KCTD16: variants seen among roughly 807,000 people sequenced by gnomAD.
KCTD16 encodes the protein BTB/POZ domain-containing protein KCTD16.
In KCTD16, 13 loss-of-function variants were observed where a neutral mutation model predicts 33.2. The observed-to-expected ratio is 0.39, with a 90% confidence interval of 0.25 to 0.62. The LOEUF is 0.62. Ranked by LOEUF, KCTD16 falls within the 20% of genes least tolerant of loss-of-function variation. The probability of loss-of-function intolerance (pLI) is 0.50; values close to 1 mark genes in which losing one functional copy is unlikely to be tolerated. For missense variants in KCTD16, 441 were observed against 525.1 expected (o/e 0.84, Z 1.57); for synonymous variants, 197 against 195.3 (o/e 1.01, Z -0.07).
chr5:144,467,859 C>T (rs1417305571), intron 3 of KCTD16, among the ~76,000 whole-genome samples: 1 of 152,134 alleles, frequency 6.6e-6, no homozygotes, highest in African/African-American at 2.4e-5. Context: ...CCCCTTTATA[C>T]TCTATTTGTG....
intron 3 of KCTD16, among the ~76,000 whole-genome samples, chr5:144,254,323 T>G (rs1015337834): frequency 7.1e-6 from 1 of 140,840 alleles, no homozygotes; most frequent in Non-Finnish European, 1.6e-5. Flanking sequence ...TTTGTTTTTT[T>G]AGTTAGAGAT....
At chr5:144,395,930 A>C (rs1450746072) in intron 3 of KCTD16, among the ~76,000 whole-genome samples, 2 of 152,198 alleles carry the variant, frequency 1.3e-5, no homozygotes, top group Non-Finnish European at 1.5e-5. Flanking sequence ...AAGTAGTTTC[A>C]TTGGAACACA....
intron 3 of KCTD16, among the ~76,000 whole-genome samples, chr5:144,219,016 C>T (rs545190305): frequency 1.3e-5 from 2 of 152,186 alleles, no homozygotes; most frequent in South Asian, 2.1e-4. Context: ...AGCCTTAGTT[C>T]GGTTACTTCC....
In KCTD16 at chr5:144,236,162, G is replaced by C. The variant is rs117007942; in HGVS notation, c.832+28616G>C. Among the ~76,000 whole-genome samples, 107 of 152,260 alleles carry C rather than the reference G, an allele frequency of 7.0e-4. 2 individuals carry two copies. In the East Asian group the frequency reaches 0.017, roughly 24 times the overall value. On this transcript the variant is annotated intron_variant, in intron 3 of 3. Transcript: ENST00000512467. ...CTGTTCATGAGGTGGTGATAGTCTA[G>C]TGGAGACAAAAACATATACCAGTAA...
chr5:144,238,230 A>G (rs561278541), intron 3 of KCTD16, among the ~76,000 whole-genome samples: 1 of 152,144 alleles, frequency 6.6e-6, no homozygotes, highest in Non-Finnish European at 1.5e-5. Flanking sequence ...TGGGTGTAGG[A>G]GAACAGGAGA....
chr5:144,239,254 C>T (rs1754336243), intron 3 of KCTD16, among the ~76,000 whole-genome samples: 2 of 152,124 alleles, frequency 1.3e-5, no homozygotes, highest in South Asian at 4.1e-4. Flanking sequence ...ATAATGTGCT[C>T]TTCCTGGTGC....
chr5:144,425,389 G>T lies in KCTD16; in HGVS notation c.833-48271G>T, dbSNP rs1490939302. 2.0e-5 allele frequency among the ~76,000 whole-genome samples: 3 copies of T among 151,786 alleles called. No individual in the cohort carries two copies. In the South Asian group the frequency reaches 6.3e-4, roughly 32 times the overall value. On this transcript the variant is annotated intron_variant, in intron 3 of 3. Coordinates refer to ENST00000512467, the MANE Select transcript of KCTD16 (RefSeq NM_020768.4). ...CAGCTCTCTCAGGTTGGAGTCTTCT[G>T]CTTGCAGATTTCCTAGGCTGGAGCT...
intron 3 of KCTD16, among the ~76,000 whole-genome samples, chr5:144,417,500 T>C (rs1051696762): frequency 6.6e-6 from 1 of 152,182 alleles, no homozygotes; most frequent in Non-Finnish European, 1.5e-5. Flanking sequence ...GAGAGTACTT[T>C]ATACATTCCA....
At chr5:144,415,012 A>T (rs1054032654) in intron 3 of KCTD16, among the ~76,000 whole-genome samples, 27 of 152,300 alleles carry the variant, frequency 1.8e-4, no homozygotes, top group African/African-American at 6.3e-4. Context: ...AACACCTGAG[A>T]CTGAGTAATT....
intron 3 of KCTD16, among the ~76,000 whole-genome samples, chr5:144,236,756 G>C (rs1754265671): frequency 6.6e-6 from 1 of 152,104 alleles, no homozygotes. Flanking sequence ...GAGGTATCAT[G>C]GGATAAACAT....
chr5:144,459,011 C>A (rs1007224308), intron 3 of KCTD16, among the ~76,000 whole-genome samples: 2 of 152,158 alleles, frequency 1.3e-5, no homozygotes, highest in Non-Finnish European at 2.9e-5. Context: ...CTCTAGTTTG[C>A]AATGTCAATC....
chr5:144,206,655 G>C lies in KCTD16; in HGVS notation c.-60G>C. ...CTTACAAGTTGATCCAAAGGATAAGGCTGTGACTCCATTGGATTGCACCTT... is the reference window on the plus strand; with the variant it reads ...CTTACAAGTTGATCCAAAGGATAAGCCTGTGACTCCATTGGATTGCACCTT... On this transcript the variant is annotated 5_prime_UTR_variant, in exon 3 of 4. Transcript: ENST00000512467. 7.2e-7 allele frequency: 1 copy of C among 1,384,638 alleles called. No individual in the cohort carries two copies. The highest frequency in any genetic ancestry group is 2.3e-5 in the East Asian group (1 of 43,566). The allele number at this position is 1,384,638 out of a possible 1,614,324, so 85.8% of individuals were successfully genotyped here. A position where few individuals can be genotyped will look rare whatever the true frequency, so the allele number is the denominator to read the frequency against.
chr5:144,409,667 G>T (rs2126952752), intron 3 of KCTD16, among the ~76,000 whole-genome samples: 1 of 152,190 alleles, frequency 6.6e-6, no homozygotes, highest in South Asian at 2.1e-4. Context: ...AGACCAGCCT[G>T]GCCAACATTG....
chr5:144,461,360 G>C lies in KCTD16; in HGVS notation c.833-12300G>C, dbSNP rs115778263. 3.9e-3 allele frequency among the ~76,000 whole-genome samples: 596 copies of C among 152,108 alleles called. 2 individuals are homozygous for C. Among genetic ancestry groups the C allele is most frequent in the African/African-American group, 0.013 (554 of 41,464 alleles). ...ACTTCCCAGCCTCTTTCCCTTCCCA[G>C]GTCGCCTACCTCAGAGAATGAAAGC... On this transcript the variant is annotated intron_variant, in intron 3 of 3. Transcript: ENST00000512467.
chr5:144,176,964 C>T (rs573234321), intron 2 of KCTD16, among the ~76,000 whole-genome samples: 1 of 152,228 alleles, frequency 6.6e-6, no homozygotes, highest in East Asian at 1.9e-4. Flanking sequence ...TGGATGCATA[C>T]TTTGTAAATG....
At chr5:144,411,651 A>G (rs999579294) in intron 3 of KCTD16, among the ~76,000 whole-genome samples, 3 of 152,162 alleles carry the variant, frequency 2.0e-5, no homozygotes, top group Admixed American at 2.0e-4. Context: ...AGTACCTCAA[A>G]AGCATAGGGA....
chr5:144,212,523 T>C (rs889478283), intron 3 of KCTD16, among the ~76,000 whole-genome samples: 1 of 152,134 alleles, frequency 6.6e-6, no homozygotes, highest in African/African-American at 2.4e-5. Flanking sequence ...AACAGCCTAA[T>C]GAGGTTGTAT....
At chr5:144,231,027 G>T (rs1010665198) in intron 3 of KCTD16, among the ~76,000 whole-genome samples, 2 of 152,118 alleles carry the variant, frequency 1.3e-5, no homozygotes, top group African/African-American at 2.4e-5. Flanking sequence ...GATGGTGAAG[G>T]GCCTTATGTG....
intron 2 of KCTD16, chr5:144,205,672 A>T: frequency 2.5e-6 from 1 of 398,312 alleles, no homozygotes; most frequent in Non-Finnish European, 4.4e-6. Flanking sequence ...CTTTCCAAAG[A>T]TTTCTTTTTC....
Sources: gnomAD v4.1 joint callset for allele counts (sites outside exome capture counted in the v4.1 genomes callset) on GRCh38, gnomAD v4.1.1 for gene constraint, MANE v1.5 for transcripts, NCBI Gene and HGNC (gene_info 2026-07-23, HGNC 2026-07-21) for gene names.